The following AMZ2 variants were observed in gnomAD, a reference collection of about 807,000 sequenced individuals.
AMZ2 encodes the protein archaemetzincin-2.
Under a neutral mutation model 36.7 loss-of-function variants are expected in AMZ2, and 26 were observed. That is an observed-to-expected ratio of 0.71 (90% confidence interval 0.52 to 0.98). The LOEUF (loss-of-function observed/expected upper bound fraction) is 0.98, where lower values mean the gene tolerates loss of function less well. AMZ2 is among the 50% of genes least tolerant of loss of function. AMZ2 has a pLI of 0.00. For missense variants in AMZ2, 394 were observed against 430.5 expected (o/e 0.92, Z 0.75); for synonymous variants, 144 against 149.1 (o/e 0.97, Z 0.25).
intron 1 of AMZ2, chr17:68,207,361 T>C (rs1271206702): frequency 7.0e-6 from 1 of 143,166 alleles, no homozygotes; most frequent in Non-Finnish European, 1.5e-5. Flanking sequence ...AGTTGGAATT[T>C]ACTAAATTGT....
chr17:68,225,873 C>G (rs1328301184), intron 1 of AMZ2, among the ~76,000 whole-genome samples: 2 of 152,180 alleles, frequency 1.3e-5, no homozygotes, highest in East Asian at 3.8e-4. Context: ...ATCCACCCAC[C>G]TTGGCCTCCC....
At chr17:68,233,743 A>T (rs1464793188) in intron 1 of AMZ2, among the ~76,000 whole-genome samples, 1 of 149,202 alleles carries the variant, frequency 6.7e-6, no homozygotes, top group Non-Finnish European at 1.5e-5. Context: ...TTTTTTTGGG[A>T]CAGGGTCTTG....
intron 1 of AMZ2, among the ~76,000 whole-genome samples, chr17:68,233,085 G>T (rs2144608874): frequency 6.6e-6 from 1 of 152,372 alleles, no homozygotes; most frequent in Non-Finnish European, 1.5e-5. Flanking sequence ...TCTCTTCCTG[G>T]TCCCCAGATG....
chr17:68,219,191 G>C (rs193065266), intron 1 of AMZ2, among the ~76,000 whole-genome samples: 1 of 152,092 alleles, frequency 6.6e-6, no homozygotes, highest in South Asian at 2.1e-4. Context: ...GGTCTTGAAC[G>C]CCTGACCTTG....
intron 4 of AMZ2, among the ~76,000 whole-genome samples, chr17:68,254,063 G>T (rs1293808767): frequency 2.0e-5 from 3 of 152,106 alleles, no homozygotes; most frequent in Non-Finnish European, 4.4e-5. Context: ...TATTTTTTAT[G>T]ATTCCTTTTT....
intron 1 of AMZ2, among the ~76,000 whole-genome samples, chr17:68,238,384 C>T (rs1472690023): frequency 6.6e-5 from 10 of 152,120 alleles, no homozygotes; most frequent in Non-Finnish European, 1.2e-4. Flanking sequence ...TTCGAACTTT[C>T]TTAGCTCCCA....
chr17:68,224,046 C>A (rs188902034), intron 1 of AMZ2, among the ~76,000 whole-genome samples: 4,226 of 138,312 alleles, frequency 0.031, 194 homozygotes, highest in African/African-American at 0.11. Flanking sequence ...CCCGCCACCA[C>A]ACCCGGCTAA....
In AMZ2 at chr17:68,209,581, GGT is replaced by G. The variant is rs71142139; in HGVS notation, c.-67+3366_-67+3367del. Among the ~76,000 whole-genome samples the G allele has an allele frequency of 3.2e-3, 344 of 106,866 alleles. 3 individuals carry two copies. The highest frequency in any genetic ancestry group is 3.9e-3 in the South Asian group (12 of 3,060). The allele number at this position is 106,866 out of a possible 152,430, so 70.1% of individuals were successfully genotyped here. The stretch of plus-strand genomic sequence containing the variant: ...AATATTATAGAAGAAAATAATTGTG[GGT>G]GTGTGTGTGTGTGTGTGTGTGTATA... On this transcript the variant is annotated intron_variant, in intron 1 of 7. Coordinates refer to the AMZ2 transcript ENST00000674770.
chr17:68,229,369 A>G (rs868978485), intron 1 of AMZ2, among the ~76,000 whole-genome samples: 2 of 152,122 alleles, frequency 1.3e-5, no homozygotes, highest in South Asian at 2.1e-4. Flanking sequence ...GGGCCCTCAC[A>G]GGGAGTTCCT....
In AMZ2 at chr17:68,254,564, T is replaced by A. The variant is rs1368973605; in HGVS notation, c.747T>A (p.Cys249Ter). 2 of 1,608,024 alleles carry A rather than the reference T, an allele frequency of 1.2e-6. No individual in the cohort carries two copies. Among genetic ancestry groups the A allele is most frequent in the African/African-American group, 2.7e-5 (2 of 74,546 alleles). ...CTAGTGTTTTACTACTTCGATCCTG[T>A]AAGGTAAGTTATTACAAAAATCTGA... ...EITSVLLLRS[C>*]KTLTHEIGHI... is the part of the protein sequence containing the mutation. The change falls in exon 5 of 7, where the codon TGT becomes TGA. Residue 249 changes from cysteine to a stop codon, truncating the protein, a stop_gained. Coordinates refer to ENST00000359904, the MANE Select transcript of AMZ2 (RefSeq NM_016627.5). LOFTEE classifies it high-confidence loss of function.
chr17:68,256,819 G>A lies in AMZ2; in HGVS notation c.933G>A (p.Leu311=). The part of the protein sequence containing the change: ...GFSIVERYKA[L]VRWIDDESSD... ...CATCTTTCATGTTTTTCCAGGCACT[G>A]GTGAGGTGGATTGATGATGAATCTT... Residue 311 remains leucine, a synonymous_variant, in exon 7 of 7, where the codon CTG becomes CTA. Transcript: ENST00000359904. 1.9e-6 allele frequency: 3 copies of A among 1,596,918 alleles called. No homozygotes were observed. Among genetic ancestry groups the A allele is most frequent in the Middle Eastern group, 3.3e-4 (2 of 6,052 alleles).
chr17:68,248,181 CG>C lies in AMZ2; in HGVS notation c.-520del, dbSNP rs2074146295. ...AGGCAGGGTAGCCGGGTCGTAGAGG[CG>C]GGGGCCGGTCGCGGTCGGTGGAGCG... On this transcript the variant is annotated 5_prime_UTR_variant, in exon 1 of 7. Coordinates refer to ENST00000359904, the MANE Select transcript of AMZ2 (RefSeq NM_016627.5). 2.0e-6 allele frequency: 2 copies of C among 986,348 alleles called. No homozygotes were observed. The highest frequency in any genetic ancestry group is 2.4e-6 in the Non-Finnish European group (2 of 830,742). 61.1% of individuals were successfully genotyped at this position (986,348 alleles called of 1,614,324 possible). A position where few individuals can be genotyped will look rare whatever the true frequency, so the allele number is the denominator to read the frequency against.
In AMZ2 at chr17:68,206,213, C is replaced by T. The variant is rs1423187293; in HGVS notation, c.-92C>T. 1.4e-5 allele frequency: 18 copies of T among 1,303,508 alleles called. No individual in the cohort carries two copies. In the East Asian group the frequency reaches 4.2e-4, roughly 31 times the overall value. 80.7% of individuals were successfully genotyped at this position (1,303,508 alleles called of 1,614,324 possible). ...ACTGCACAGAAAGCAGCTTCAGGAG[C>T]CATAGTACCTACAGCAGCACTCCAG... On this transcript the variant is annotated 5_prime_UTR_variant, in exon 1 of 8. Coordinates refer to the AMZ2 transcript ENST00000674770.
At chr17:68,241,261 A>G (rs528977460) in intron 1 of AMZ2, among the ~76,000 whole-genome samples, 36 of 152,376 alleles carry the variant, frequency 2.4e-4, no homozygotes, top group African/African-American at 8.2e-4. Context: ...AATAAATAAT[A>G]GAAATCAAGT....
Position 68,235,899 on chromosome 17 carries a change from G to A in AMZ2, c.-66-12741G>A, listed in dbSNP as rs2073776007. On this transcript the variant is annotated intron_variant, in intron 1 of 7. Coordinates refer to the AMZ2 transcript ENST00000674770. This position sits in a 1 kb window ranked among gnomAD's most constrained non-coding sequence, Gnocchi z 4.2. Reference sequence around the variant, plus strand: ...GGCTGGAATGCAGTGGCACAATCTTGGCTCACTGCAACCTCCATCTCCCGG... The same window carrying A: ...GGCTGGAATGCAGTGGCACAATCTTAGCTCACTGCAACCTCCATCTCCCGG... 6.6e-6 allele frequency among the ~76,000 whole-genome samples: 1 copy of A among 151,650 alleles called. No individual in the cohort carries two copies. Among genetic ancestry groups the A allele is most frequent in the African/African-American group, 2.4e-5 (1 of 41,224 alleles).
At chr17:68,219,535 T>A (rs1165777875) in intron 1 of AMZ2, among the ~76,000 whole-genome samples, 1 of 151,544 alleles carries the variant, frequency 6.6e-6, no homozygotes, top group African/African-American at 2.4e-5. Context: ...ATTATTATTA[T>A]TACTATTATT....
chr17:68,206,190 T>C, exon 1 of AMZ2: 1 of 1,305,098 alleles, frequency 7.7e-7, no homozygotes. Flanking sequence ...CGCCAGTTAC[T>C]GCACAGAAAG....
At chr17:68,225,845 A>C (rs2073501884) in intron 1 of AMZ2, among the ~76,000 whole-genome samples, 1 of 152,046 alleles carries the variant, frequency 6.6e-6, no homozygotes. Context: ...GCCGGTCTCG[A>C]ACTCCTGGCC....
At chr17:68,220,755 A>G (rs1323445772) in intron 1 of AMZ2, among the ~76,000 whole-genome samples, 1 of 150,902 alleles carries the variant, frequency 6.6e-6, no homozygotes, top group African/African-American at 2.4e-5. Flanking sequence ...ACGTGCAATC[A>G]GGGACACTTT....
Sources: gnomAD v4.1 joint callset for allele counts (sites outside exome capture counted in the v4.1 genomes callset) on GRCh38, gnomAD v4.1.1 for gene constraint, Gnocchi (gnomAD v3.1) non-coding constraint, MANE v1.5 for transcripts, NCBI Gene and HGNC (gene_info 2026-07-23, HGNC 2026-07-21) for gene names.